Variants in NCOA1 observed in about 807,000 individuals in gnomAD.
The protein encoded by NCOA1 is Hin-2 protein.
Under a neutral mutation model 150.9 loss-of-function variants are expected in NCOA1, and 35 were observed. The ratio of observed to expected loss-of-function variants is 0.23; its 90% CI spans 0.18 to 0.31. The LOEUF (loss-of-function observed/expected upper bound fraction) is 0.31. Ranked by LOEUF, NCOA1 falls within the 10% of genes least tolerant of loss-of-function variation. The probability of loss-of-function intolerance (pLI) is 1.00; values close to 1 mark genes in which losing one functional copy is unlikely to be tolerated. For missense variants in NCOA1, 1,491 were observed against 1,749.3 expected, an observed-to-expected ratio of 0.85 and a Z score of 2.63; for synonymous variants, 590 against 630.0, an observed-to-expected ratio of 0.94 and a Z score of 0.95.
intron 22 of NCOA1, 140 bp from the exon 23 acceptor site, chr2:24,768,081 C>T (rs765266923): frequency 6.2e-7 from 1 of 1,613,624 alleles, no homozygotes; most frequent in Admixed American, 1.7e-5. Flanking sequence ...TTTTGTAGGA[C>T]AAGAAGACAG....
At chr2:24,589,488 T>C (rs1667554389) in intron 3 of NCOA1, among the ~76,000 whole-genome samples, 1 of 152,214 alleles carries the variant, frequency 6.6e-6, no homozygotes, top group Non-Finnish European at 1.5e-5. Flanking sequence ...ATGTACCTTC[T>C]TCCATGGCAC....
At chr2:24,551,469 G>T (rs1043343684) in intron 1 of NCOA1, among the ~76,000 whole-genome samples, 195 of 151,940 alleles carry the variant, frequency 1.3e-3, no homozygotes, top group African/African-American at 4.2e-3. Flanking sequence ...TTAATAAAGT[G>T]TTATTTTTTT....
At chr2:24,749,577 CAG>C (rs1558337721) in intron 19 of NCOA1, among the ~76,000 whole-genome samples, 2 of 152,180 alleles carry the variant, frequency 1.3e-5, no homozygotes, top group Non-Finnish European at 2.9e-5. Flanking sequence ...GTAGAACACT[CAG>C]AGATGGTTTG....
chr2:24,631,215 T>C (rs1669695584), intron 3 of NCOA1, among the ~76,000 whole-genome samples: 1 of 152,192 alleles, frequency 6.6e-6, no homozygotes, highest in African/African-American at 2.4e-5. Flanking sequence ...AAATAATTTA[T>C]AATTGCCATT....
chr2:24,649,072 A>AT (rs1209251666), intron 4 of NCOA1, among the ~76,000 whole-genome samples: 4 of 151,746 alleles, frequency 2.6e-5, no homozygotes, highest in Non-Finnish European at 4.4e-5. Context: ...GACATTTAAA[A>AT]TTTTTTTTAA....
At chr2:24,573,539 G>A (rs763867178) in intron 2 of NCOA1, among the ~76,000 whole-genome samples, 42 of 152,094 alleles carry the variant, frequency 2.8e-4, no homozygotes, top group Non-Finnish European at 5.3e-4. Flanking sequence ...TAAATGTAGT[G>A]TAAAACCTGC....
chr2:24,629,817 C>CATATACATATAT (rs1553439184), intron 3 of NCOA1, among the ~76,000 whole-genome samples: 9 of 79,348 alleles, frequency 1.1e-4, no homozygotes, highest in African/African-American at 3.6e-4. Context: ...AACATACATA[C>CATATACATATAT]ATATATATAT....
At chr2:24,603,768 A>G (rs1668234713) in intron 3 of NCOA1, among the ~76,000 whole-genome samples, 1 of 152,194 alleles carries the variant, frequency 6.6e-6, no homozygotes, top group Admixed American at 6.5e-5. Flanking sequence ...GTCATCCATG[A>G]TGGTTGGAAC....
chr2:24,578,928 T>C (rs1382156910), intron 2 of NCOA1, among the ~76,000 whole-genome samples: 1 of 152,230 alleles, frequency 6.6e-6, no homozygotes, highest in African/African-American at 2.4e-5. Flanking sequence ...GAATAGTTCA[T>C]ATCCATTACA....
intron 4 of NCOA1, among the ~76,000 whole-genome samples, chr2:24,646,134 T>G (rs915423590): frequency 2.6e-5 from 4 of 152,160 alleles, no homozygotes; most frequent in African/African-American, 7.2e-5. Context: ...TTTCTATTTC[T>G]TCTTAACATT....
At chr2:24,546,794 C>T (rs1284390263) in intron 1 of NCOA1, among the ~76,000 whole-genome samples, 3 of 152,252 alleles carry the variant, frequency 2.0e-5, no homozygotes, top group Admixed American at 6.5e-5. Context: ...GTGGGCTGGA[C>T]AGTCTCAGGC....
intron 4 of NCOA1, among the ~76,000 whole-genome samples, chr2:24,656,451 A>T (rs567690225): frequency 6.6e-6 from 1 of 152,178 alleles, no homozygotes; most frequent in Non-Finnish European, 1.5e-5. Flanking sequence ...CCTCACGTCA[A>T]TCATTTTTCA....
chr2:24,615,806 TC>T lies in NCOA1; in HGVS notation c.-174-28159del, dbSNP rs548651473. 5.3e-5 allele frequency among the ~76,000 whole-genome samples: 8 copies of T among 152,276 alleles called. No individual in the cohort carries two copies. In the South Asian group the frequency reaches 1.7e-3, roughly 32 times the overall value. ...AACCATTGCAGATGAGGAATGGCTT[TC>T]TAGAGGGAAGAGGATGAGAATGTGA... On this transcript the variant is annotated intron_variant, in intron 3 of 22. Transcript: ENST00000348332.
At chr2:24,634,824 G>A (rs774831674) in intron 3 of NCOA1, among the ~76,000 whole-genome samples, 4 of 148,946 alleles carry the variant, frequency 2.7e-5, no homozygotes, top group South Asian at 2.1e-4. Context: ...CAATCCTCCC[G>A]TTTCAGCCCC....
At chr2:24,492,052 C>T (rs1341474481) in intron 1 of NCOA1, 2 of 152,060 alleles carry the variant, frequency 1.3e-5, no homozygotes, top group African/African-American at 4.8e-5. Flanking sequence ...GCCCGCTCAC[C>T]TCTCGGAATC....
intron 7 of NCOA1, among the ~76,000 whole-genome samples, chr2:24,679,707 A>G (rs1672078225): frequency 2.6e-5 from 4 of 152,138 alleles, no homozygotes; most frequent in African/African-American, 9.7e-5. Context: ...GGTTTTATAA[A>G]CCCAATTTAG....
chr2:24,672,185 A>C lies in NCOA1; in HGVS notation c.257-1181A>C, dbSNP rs555030809. ...ACATATGTAGTAAAAGTATAAAAAA[A>C]TGCTTAAAATGATTATGGCAACCTC... On this transcript the variant is annotated intron_variant, in intron 6 of 22. Transcript: ENST00000348332. Among the ~76,000 whole-genome samples the C allele has an allele frequency of 2.6e-5, 4 of 152,270 alleles. No individual in the cohort carries two copies. The South Asian group carries it at 8.3e-4, about 32-fold the overall frequency.
chr2:24,676,110 G>T (rs541337695), intron 7 of NCOA1, among the ~76,000 whole-genome samples: 1 of 152,176 alleles, frequency 6.6e-6, no homozygotes, highest in East Asian at 1.9e-4. Context: ...TGGCAGTGGG[G>T]TCACCTCAAG....
chr2:24,637,611 C>T (rs556671679), intron 3 of NCOA1, among the ~76,000 whole-genome samples: 122 of 152,216 alleles, frequency 8.0e-4, no homozygotes, highest in Non-Finnish European at 1.5e-3. Context: ...AAACATTTAT[C>T]ATTTCTTTAT....
Sources: allele counts gnomAD v4.1 joint callset (sites outside exome capture counted in the v4.1 genomes callset), GRCh38; gene constraint gnomAD v4.1.1; transcripts MANE v1.5; gene names NCBI Gene and HGNC (gene_info 2026-07-23, HGNC 2026-07-21).